Variants in WAC observed in about 807,000 individuals in gnomAD.
WAC encodes WW domain containing adaptor with coiled-coil, also known as WW domain-containing adapter protein with coiled-coil.
A neutral mutation model predicts 79.6 loss-of-function variants in WAC; 11 were observed. The observed-to-expected ratio is 0.14, with a 90% CI of 0.09 to 0.23. The LOEUF (loss-of-function observed/expected upper bound fraction) is 0.23, where lower values mean the gene tolerates loss of function less well. Ranked by LOEUF, WAC falls within the 10% of genes least tolerant of loss-of-function variation. The pLI is 1.00. For synonymous variants in WAC, 304 were observed against 276.9 expected (o/e 1.10, Z -0.97); for missense variants, 728 against 773.5 (o/e 0.94, Z 0.70).
chr10:28,535,438 A>G, intron 2 of WAC, 124 bp from the exon 3 acceptor site: 2 of 1,232,058 alleles, frequency 1.6e-6, no homozygotes, highest in South Asian at 3.3e-5. Flanking sequence ...CAGAATTGAA[A>G]GTGGAAATTT....
At position 28,583,454 on chromosome 10, in the gene WAC, A is replaced by C. The variant is rs1839642119; in HGVS notation, c.330A>C (p.Ser110=). Residue 110 remains serine, a synonymous_variant, in exon 4 of 14, where the codon TCA becomes TCC. Transcript: ENST00000354911. ...ACAACCACAGTGCTCTTCATAGTTCAAATTCACATTCTTCTAATCCAAGCA... is the reference window on the plus strand; with the variant it reads ...ACAACCACAGTGCTCTTCATAGTTCCAATTCACATTCTTCTAATCCAAGCA... The part of the protein sequence containing the change: ...NSHNHSALHS[S]NSHSSNPSNN... The C allele has an allele frequency of 1.2e-6, 2 of 1,601,098 alleles. No individual in the cohort carries two copies. The highest frequency in any genetic ancestry group is 2.7e-5 in the African/African-American group (2 of 73,900).
intron 3 of WAC, among the ~76,000 whole-genome samples, chr10:28,558,395 A>C (rs1055963032): frequency 6.6e-6 from 1 of 152,188 alleles, no homozygotes; most frequent in Non-Finnish European, 1.5e-5. Flanking sequence ...TTGATTTCTT[A>C]ATGTTTGAGC....
chr10:28,547,912 T>C (rs1837445597), intron 3 of WAC, among the ~76,000 whole-genome samples: 1 of 104,408 alleles, frequency 9.6e-6, no homozygotes. Context: ...TCTTTCTCTT[T>C]TTCTTTTTTT....
chr10:28,550,881 G>A (rs949172641), intron 3 of WAC, among the ~76,000 whole-genome samples: 4 of 152,116 alleles, frequency 2.6e-5, no homozygotes, highest in Non-Finnish European at 5.9e-5. Flanking sequence ...TAAGTAGCCC[G>A]GCTGGTTAGA....
intron 3 of WAC, among the ~76,000 whole-genome samples, chr10:28,556,914 T>G (rs904998973): frequency 6.6e-6 from 1 of 152,186 alleles, no homozygotes; most frequent in Non-Finnish European, 1.5e-5. Context: ...TGGTGTGTGT[T>G]TCTGTTTTTA....
rs535304736 is a variant in WAC, at chr10:28,557,877, G to C, written c.274+22120G>C. 1.1e-4 allele frequency among the ~76,000 whole-genome samples: 16 copies of C among 151,974 alleles called. No homozygotes were observed. The South Asian group carries it at 3.1e-3, about 30-fold the overall frequency. On this transcript the variant is annotated intron_variant, in intron 3 of 13. Coordinates refer to ENST00000354911, the MANE Select transcript of WAC (RefSeq NM_016628.5). ...ATCATGAGGTCAGGAGATTGAGACT[G>C]TCCTGGCTAACATTGTGAAACCTCG...
At chr10:28,560,094 C>T (rs114835312) in intron 3 of WAC, among the ~76,000 whole-genome samples, 2,890 of 152,260 alleles carry the variant, frequency 0.019, 99 homozygotes, top group African/African-American at 0.066. Flanking sequence ...GTAATCCCAG[C>T]ACTTTGGGAG....
At chr10:28,593,392 A>C (rs561416902) in intron 6 of WAC, among the ~76,000 whole-genome samples, 2 of 152,286 alleles carry the variant, frequency 1.3e-5, no homozygotes, top group South Asian at 4.1e-4. Flanking sequence ...AGATTTTTAC[A>C]TGTAAAGAGA....
rs190594141 is a variant in WAC, at chr10:28,574,605, G to C, written c.275-8794G>C. On this transcript the variant is annotated intron_variant, in intron 3 of 13. Coordinates refer to ENST00000354911, the MANE Select transcript of WAC (RefSeq NM_016628.5). ...CTACAGGCACACAGCACCGCACCCA[G>C]CTAATTTTTTGTATTTTTAGTAGAG... Among the ~76,000 whole-genome samples the C allele has an allele frequency of 4.1e-4, 62 of 151,720 alleles. 1 individual carries two copies. The East Asian group carries it at 0.011, about 28-fold the overall frequency.
At chr10:28,533,900 C>A (rs1018419295) in intron 1 of WAC, 98 bp from the exon 2 acceptor site, 2 of 1,458,904 alleles carry the variant, frequency 1.4e-6, no homozygotes, top group South Asian at 2.3e-5. Flanking sequence ...CTCGGTAGGT[C>A]TCCCGCGGGG....
chr10:28,611,268 T>C lies in WAC; in HGVS notation c.1288+447T>C, dbSNP rs1247343251. On this transcript the variant is annotated intron_variant, in intron 9 of 13. Transcript: ENST00000354911. ...GCCTTGAATTAGATATCCCTCTTCA[T>C]GAAGGTATCCAAATGGAGAGAGATA... is the stretch of plus-strand genomic sequence containing the variant. The C allele has an allele frequency of 4.6e-6, 6 of 1,292,546 alleles. No homozygotes were observed. In the African/African-American group the frequency reaches 9.1e-5, roughly 20 times the overall value. 80.1% of individuals were successfully genotyped at this position (1,292,546 alleles called of 1,614,324 possible).
intron 13 of WAC, among the ~76,000 whole-genome samples, chr10:28,618,734 A>G (rs1841579909): frequency 6.6e-6 from 1 of 152,190 alleles, no homozygotes. Flanking sequence ...AATCTGGGTA[A>G]CTGGGGTTTG....
intron 9 of WAC, chr10:28,611,042 T>C: frequency 6.7e-6 from 4 of 598,124 alleles, no homozygotes; most frequent in Non-Finnish European, 1.1e-5. Context: ...TCTTAAGGTA[T>C]TGCCATCAAA....
chr10:28,614,471 G>GTTCTTTAAAACA (rs71391055), intron 10 of WAC, 96 bp from the exon 11 acceptor site: 2 of 850,708 alleles, frequency 2.4e-6, no homozygotes, highest in East Asian at 4.9e-5. Flanking sequence ...GAACTTGACT[G>GTTCTTTAAAACA]CCACATTTTA....
intron 4 of WAC, among the ~76,000 whole-genome samples, chr10:28,587,357 C>T (rs1327051375): frequency 6.6e-6 from 1 of 152,156 alleles, no homozygotes; most frequent in African/African-American, 2.4e-5. Flanking sequence ...ATGATACATC[C>T]AGTGTTTTGT....
At chr10:28,549,144 C>T (rs911662348) in intron 3 of WAC, among the ~76,000 whole-genome samples, 3 of 144,216 alleles carry the variant, frequency 2.1e-5, no homozygotes, top group Admixed American at 6.9e-5. Flanking sequence ...AGTAATCCTC[C>T]TGCTTCAGCC....
At position 28,595,986 on chromosome 10, in the gene WAC, A is replaced by G; in HGVS notation, c.864A>G (p.Leu288=). The G allele has an allele frequency of 1.2e-6, 2 of 1,614,176 alleles. No individual in the cohort carries two copies. The highest frequency in any genetic ancestry group is 1.7e-6 in the Non-Finnish European group (2 of 1,180,010). ...KSFDANGAST[L]SKLPTPTSSV... The stretch of plus-strand genomic sequence containing the variant: ...TTGATGCTAATGGAGCATCTACTTT[A>G]TCAAAACTGCCTACACCCACATCTT... The change falls in exon 7 of 14, where the codon TTA becomes TTG. Residue 288 remains leucine (L), a synonymous_variant. Transcript: ENST00000354911.
chr10:28,609,605 G>A (rs1472812962), intron 8 of WAC, among the ~76,000 whole-genome samples: 3 of 152,160 alleles, frequency 2.0e-5, no homozygotes. Context: ...ATAGTTTGAG[G>A]AGGCCAGATG....
At position 28,534,009 on chromosome 10, in the gene WAC, G is replaced by C; in HGVS notation, c.53G>C (p.Arg18Pro). ...TTCCTGTTTTTCAGCTGTCACGACC[G>C]GAGGGGGGACTCGCAGCCTTACCAG... ...QQRLSDGCHD[R>P]RGDSQPYQAL... Residue 18 changes from arginine to proline, a missense_variant, in exon 2 of 14, where the codon CGG (arginine) becomes CCG (proline). This residue lies in a region of WAC where 648 missense variants were observed against 661.5 expected (regional missense o/e 0.98). Coordinates refer to ENST00000354911, the MANE Select transcript of WAC (RefSeq NM_016628.5). 6.2e-7 allele frequency: 1 copy of C among 1,602,522 alleles called. No individual in the cohort carries two copies. The highest frequency in any genetic ancestry group is 2.3e-5 in the East Asian group (1 of 43,160).
Sources: gnomAD v4.1 joint callset for allele counts (sites outside exome capture counted in the v4.1 genomes callset) on GRCh38, gnomAD v4.1.1 for gene constraint, gnomAD v4.1.1 regional missense constraint, MANE v1.5 for transcripts, NCBI Gene and HGNC (gene_info 2026-07-23, HGNC 2026-07-21) for gene names.